Variants in GAB2 observed in about 807,000 individuals in gnomAD.
The protein encoded by GAB2 is GRB2 associated binding protein 2, also known as GRB2-associated-binding protein 2.
In GAB2, 26 loss-of-function variants were observed where a neutral mutation model predicts 65.5. The observed-to-expected ratio is 0.40, with a 90% CI of 0.29 to 0.55. GAB2 has a LOEUF of 0.55. Ranked by LOEUF, GAB2 falls within the 20% of genes least tolerant of loss-of-function variation. The probability of loss-of-function intolerance (pLI) is 0.53; values close to 1 mark genes in which losing one functional copy is unlikely to be tolerated. For synonymous variants in GAB2, 321 were observed against 329.6 expected (o/e 0.97, Z 0.28); for missense variants, 884 against 875.8 (o/e 1.01, Z -0.12).
intron 1 of GAB2, among the ~76,000 whole-genome samples, chr11:78,320,997 T>C (rs544352975): frequency 6.6e-6 from 1 of 152,206 alleles, no homozygotes; most frequent in South Asian, 2.1e-4. Context: ...TGCTGGAATG[T>C]GGGGGTTGAA....
intron 1 of GAB2, among the ~76,000 whole-genome samples, chr11:78,320,938 A>G (rs1227010577): frequency 6.6e-6 from 1 of 152,082 alleles, no homozygotes; most frequent in East Asian, 1.9e-4. Context: ...ATGGAGAGAG[A>G]GAGAAGGTAA....
At chr11:78,225,824 G>A (rs758901521) in intron 4 of GAB2, among the ~76,000 whole-genome samples, 6 of 152,176 alleles carry the variant, frequency 3.9e-5, no homozygotes, top group Non-Finnish European at 5.9e-5. Flanking sequence ...CTCTCTGCCT[G>A]GCTTAAACAA....
chr11:78,268,318 C>G (rs1565134246), intron 2 of GAB2, among the ~76,000 whole-genome samples: 1 of 152,146 alleles, frequency 6.6e-6, no homozygotes, highest in Non-Finnish European at 1.5e-5. Context: ...CAGCACAGAT[C>G]CTAGAGAGAG....
chr11:78,240,284 C>T (rs187054611), intron 3 of GAB2, among the ~76,000 whole-genome samples: 1 of 152,160 alleles, frequency 6.6e-6, no homozygotes, highest in African/African-American at 2.4e-5. Context: ...ACAGTCACAC[C>T]CTCCTGGGCC....
chr11:78,370,003 A>C (rs930838433), intron 1 of GAB2, among the ~76,000 whole-genome samples: 2 of 152,098 alleles, frequency 1.3e-5, no homozygotes, highest in African/African-American at 4.8e-5. Flanking sequence ...CACGCCTGTA[A>C]TCCCAGCACT....
chr11:78,310,725 G>A (rs1237246132), intron 1 of GAB2, among the ~76,000 whole-genome samples: 1 of 152,160 alleles, frequency 6.6e-6, no homozygotes, highest in Non-Finnish European at 1.5e-5. Flanking sequence ...AGGCCTGGTC[G>A]TGTTCCAGCG....
At position 78,221,667 on chromosome 11, in the gene GAB2, A is replaced by C; in HGVS notation, c.1761+10T>G. 1 of 1,578,056 alleles carries C rather than the reference A, an allele frequency of 6.3e-7. No individual in the cohort carries two copies. The highest frequency in any genetic ancestry group is 1.7e-5 in the Admixed American group (1 of 59,320). On this transcript the variant is annotated intron_variant, in intron 8 of 9. Coordinates refer to ENST00000361507, the MANE Select transcript of GAB2 (RefSeq NM_080491.3). ...AAAGGCGTCATTCCAGCGAAGCCCG[A>C]AGGACTCACCATAGGGACATAGTTC...
chr11:78,311,357 C>T (rs1855495645), intron 1 of GAB2, among the ~76,000 whole-genome samples: 2 of 152,012 alleles, frequency 1.3e-5, no homozygotes, highest in Admixed American at 1.3e-4. Flanking sequence ...GATGATAATC[C>T]TAACCAGGTT....
intron 3 of GAB2, among the ~76,000 whole-genome samples, chr11:78,245,134 A>G (rs1315586016): frequency 6.6e-6 from 1 of 152,142 alleles, no homozygotes; most frequent in African/African-American, 2.4e-5. Flanking sequence ...CAGAAAGTAG[A>G]ATGGTGGTTT....
Position 78,343,362 on chromosome 11 carries a change from G to A in GAB2, c.76-62461C>T, listed in dbSNP as rs550048799. Among the ~76,000 whole-genome samples, 308 of 134,616 alleles carry A rather than the reference G, an allele frequency of 2.3e-3. 1 individual carries two copies. Among genetic ancestry groups the A allele is most frequent in the African/African-American group, 7.2e-3 (269 of 37,384 alleles). 88.3% of individuals were successfully genotyped at this position (134,616 alleles called of 152,430 possible). A position where few individuals can be genotyped will look rare whatever the true frequency, so the allele number is the denominator to read the frequency against. On this transcript the variant is annotated intron_variant, in intron 1 of 9. Coordinates refer to ENST00000361507, the MANE Select transcript of GAB2 (RefSeq NM_080491.3). Reference sequence around the variant, plus strand: ...GCAATGTAGTACAAGAAGGAATAATGTAATTAGGGGAGGGAAGGAGAGAGG... The same window carrying A: ...GCAATGTAGTACAAGAAGGAATAATATAATTAGGGGAGGGAAGGAGAGAGG...
chr11:78,347,739 A>G (rs1856213217), intron 1 of GAB2, among the ~76,000 whole-genome samples: 1 of 152,194 alleles, frequency 6.6e-6, no homozygotes, highest in Non-Finnish European at 1.5e-5. Context: ...AGCATAAATC[A>G]TAAAAGAAAA....
At chr11:78,296,566 C>CA (rs1396284554) in intron 1 of GAB2, among the ~76,000 whole-genome samples, 1 of 151,966 alleles carries the variant, frequency 6.6e-6, no homozygotes, top group African/African-American at 2.4e-5. Context: ...ACAAAAAGCA[C>CA]AAAAATGCAA....
chr11:78,256,808 T>C (rs770262907), intron 2 of GAB2, among the ~76,000 whole-genome samples: 3 of 152,270 alleles, frequency 2.0e-5, no homozygotes, highest in Non-Finnish European at 4.4e-5. Context: ...AAGAAAAGAA[T>C]GGTGAAAATA....
intron 1 of GAB2, among the ~76,000 whole-genome samples, chr11:78,354,559 C>A (rs1465058015): frequency 2.6e-5 from 4 of 152,066 alleles, no homozygotes; most frequent in African/African-American, 9.7e-5. Flanking sequence ...GGGGGCTAGG[C>A]TTTCTCTAAC....
chr11:78,375,433 T>C (rs1856620916), intron 1 of GAB2, among the ~76,000 whole-genome samples: 1 of 152,182 alleles, frequency 6.6e-6, no homozygotes. Flanking sequence ...GTCTTTTCAG[T>C]GGCAAAGACA....
intron 1 of GAB2, among the ~76,000 whole-genome samples, chr11:78,333,454 T>TG (rs757239682): frequency 9.2e-5 from 14 of 151,874 alleles, no homozygotes; most frequent in South Asian, 2.1e-4. Flanking sequence ...TTTATAGAGG[T>TG]GGGGGGTCTC....
At chr11:78,378,350 T>G (rs1035829978) in intron 1 of GAB2, among the ~76,000 whole-genome samples, 36 of 152,074 alleles carry the variant, frequency 2.4e-4, no homozygotes, top group African/African-American at 8.2e-4. Context: ...ATCTAGAAAA[T>G]TTTCTTCCAT....
intron 1 of GAB2, chr11:78,318,015 C>T (rs1855646562): frequency 6.6e-6 from 1 of 152,014 alleles, no homozygotes; most frequent in Non-Finnish European, 1.5e-5. Context: ...GTACTAAGGG[C>T]TGGGGATCCA....
At chr11:78,297,248 A>C (rs1866857276) in intron 1 of GAB2, among the ~76,000 whole-genome samples, 1 of 152,018 alleles carries the variant, frequency 6.6e-6, no homozygotes, top group Non-Finnish European at 1.5e-5. Flanking sequence ...GTGGAGAGAA[A>C]ATTATTGAAG....
Sources: allele counts gnomAD v4.1 joint callset (sites outside exome capture counted in the v4.1 genomes callset), GRCh38; gene constraint gnomAD v4.1.1; transcripts MANE v1.5; gene names NCBI Gene and HGNC (gene_info 2026-07-23, HGNC 2026-07-21).